The following TNIK variants were observed in gnomAD, a reference collection of about 807,000 sequenced individuals.
TNIK encodes the protein TRAF2 and NCK interacting kinase, also known as TRAF2 and NCK-interacting protein kinase.
A neutral mutation model predicts 191.3 loss-of-function variants in TNIK; 49 were observed. The observed-to-expected ratio is 0.26, with a 90% CI of 0.20 to 0.32. The LOEUF (loss-of-function observed/expected upper bound fraction) is 0.32, where lower values mean the gene tolerates loss of function less well. Ranked by LOEUF, TNIK falls within the 10% of genes least tolerant of loss-of-function variation. The probability of loss-of-function intolerance (pLI) is 1.00; values close to 1 mark genes in which losing one functional copy is unlikely to be tolerated. For synonymous variants in TNIK, 594 were observed against 600.9 expected, an observed-to-expected ratio of 0.99 and a Z score of 0.17; for missense variants, 1,155 against 1,702.3, an observed-to-expected ratio of 0.68 and a Z score of 5.66.
At chr3:171,437,580 A>G (rs969637651) in intron 1 of TNIK, among the ~76,000 whole-genome samples, 7 of 152,180 alleles carry the variant, frequency 4.6e-5, no homozygotes, top group African/African-American at 1.7e-4. Context: ...TAGCCTCTGA[A>G]GAACAGCTCA....
chr3:171,258,449 T>A (rs1235140208), intron 2 of TNIK, among the ~76,000 whole-genome samples: 1 of 152,138 alleles, frequency 6.6e-6, no homozygotes, highest in East Asian at 1.9e-4. Context: ...TGTTTCTTCT[T>A]CTAGCTGTTT....
At position 171,133,062 on chromosome 3, in the gene TNIK, CA is replaced by C. The variant is rs1729526787; in HGVS notation, c.1609-4185del. ...ATATCGTTGGGCAAAACCACATGGG[CA>C]GATGGTTACTGAGCAAGTTTGAGGA... On this transcript the variant is annotated intron_variant, in intron 15 of 32. Coordinates refer to ENST00000436636, the MANE Select transcript of TNIK (RefSeq NM_015028.4). Among the ~76,000 whole-genome samples the C allele has an allele frequency of 2.0e-5, 3 of 152,178 alleles. No homozygotes were observed. The South Asian group carries it at 6.2e-4, about 31-fold the overall frequency.
At chr3:171,291,907 A>G (rs1751721859) in intron 2 of TNIK, among the ~76,000 whole-genome samples, 1 of 152,158 alleles carries the variant, frequency 6.6e-6, no homozygotes, top group Non-Finnish European at 1.5e-5. Context: ...GATCCTGTTC[A>G]CTTTTTAAAA....
At chr3:171,084,726 T>C (rs1229577971) in intron 25 of TNIK, among the ~76,000 whole-genome samples, 1 of 152,212 alleles carries the variant, frequency 6.6e-6, no homozygotes, top group Non-Finnish European at 1.5e-5. Flanking sequence ...TAAATCAGCC[T>C]GATCTTTGTG....
chr3:171,311,799 A>G (rs539825662), intron 2 of TNIK, among the ~76,000 whole-genome samples: 9 of 152,298 alleles, frequency 5.9e-5, no homozygotes, highest in Admixed American at 5.2e-4. Context: ...GAATTTAGAG[A>G]ACAAAACCCA....
In TNIK at chr3:171,122,790, T is replaced by A. The variant is rs780246679; in HGVS notation, c.2120+806A>T. Among the ~76,000 whole-genome samples, 3 of 152,222 alleles carry A rather than the reference T, an allele frequency of 2.0e-5. No individual in the cohort carries two copies. In the East Asian group the frequency reaches 5.8e-4, roughly 29 times the overall value. On this transcript the variant is annotated intron_variant, in intron 18 of 32. Coordinates refer to ENST00000436636, the MANE Select transcript of TNIK (RefSeq NM_015028.4). The stretch of plus-strand genomic sequence containing the variant: ...TATAGCCTTAGCAGAGGCCATTTGC[T>A]ATTTCAGTTGATCCTAAAAAGTGAT...
chr3:171,064,749 T>G (rs983835932), intron 32 of TNIK, among the ~76,000 whole-genome samples: 1 of 152,204 alleles, frequency 6.6e-6, no homozygotes, highest in Non-Finnish European at 1.5e-5. Context: ...AAGTAATATT[T>G]TGGGCTATGG....
intron 18 of TNIK, among the ~76,000 whole-genome samples, chr3:171,113,974 CT>C (rs1726276888): frequency 1.4e-5 from 2 of 138,114 alleles, no homozygotes; most frequent in African/African-American, 5.6e-5. Context: ...TGGGAGGCAG[CT>C]GCTGAGGATT....
intron 2 of TNIK, among the ~76,000 whole-genome samples, chr3:171,281,598 G>C (rs1003114151): frequency 1.4e-4 from 21 of 152,148 alleles, no homozygotes; most frequent in Admixed American, 1.2e-3. Flanking sequence ...CTTCCACAAG[G>C]AATGGGCAGT....
chr3:171,173,858 G>C (rs1735640093), intron 9 of TNIK, among the ~76,000 whole-genome samples: 1 of 152,114 alleles, frequency 6.6e-6, no homozygotes, highest in South Asian at 2.1e-4. Flanking sequence ...TAGTGTCACT[G>C]TCACTTCCAG....
intron 7 of TNIK, 59 bp downstream of exon 7, chr3:171,188,633 ATGTAAGACTT>A: frequency 6.4e-7 from 1 of 1,574,420 alleles, no homozygotes; most frequent in Non-Finnish European, 8.6e-7. Context: ...ATATAAGGGC[ATGTAAGACTT>A]TATAAGACTC....
At chr3:171,125,664 A>G (rs1345908206) in intron 17 of TNIK, among the ~76,000 whole-genome samples, 2 of 152,214 alleles carry the variant, frequency 1.3e-5, no homozygotes, top group Non-Finnish European at 2.9e-5. Context: ...TGAGAGTTCT[A>G]ACTTTGGACG....
chr3:171,351,388 AAAG>A (rs1263541495), intron 2 of TNIK, among the ~76,000 whole-genome samples: 1 of 152,126 alleles, frequency 6.6e-6, no homozygotes, highest in African/African-American at 2.4e-5. Context: ...TCAACCATTG[AAAG>A]AAGGTCATCT....
At chr3:171,247,031 T>C (rs1560316725) in intron 2 of TNIK, among the ~76,000 whole-genome samples, 2 of 152,230 alleles carry the variant, frequency 1.3e-5, no homozygotes, top group Admixed American at 6.5e-5. Flanking sequence ...TGTATGGCTA[T>C]GACATCACAT....
chr3:171,364,399 T>C (rs756173356), intron 2 of TNIK, among the ~76,000 whole-genome samples: 1 of 152,028 alleles, frequency 6.6e-6, no homozygotes, highest in East Asian at 1.9e-4. Flanking sequence ...TTTTGTTTAT[T>C]GCTTTTGTGC....
At chr3:171,179,961 C>G (rs909116596) in intron 7 of TNIK, among the ~76,000 whole-genome samples, 2 of 152,112 alleles carry the variant, frequency 1.3e-5, no homozygotes, top group African/African-American at 4.8e-5. Flanking sequence ...TACCCAAATC[C>G]CTAGGAACTG....
chr3:171,065,062 A>C (rs1223020101), intron 32 of TNIK, among the ~76,000 whole-genome samples: 3 of 152,218 alleles, frequency 2.0e-5, no homozygotes, highest in African/African-American at 4.8e-5. Flanking sequence ...CTTGGGTTGC[A>C]GACAACTGGT....
At chr3:171,080,515 C>A (rs1300106267) in intron 27 of TNIK, among the ~76,000 whole-genome samples, 1 of 151,980 alleles carries the variant, frequency 6.6e-6, no homozygotes, top group Non-Finnish European at 1.5e-5. Context: ...CGGCTCACTG[C>A]AACCTCTGCT....
rs967234517 is a variant in TNIK at position 171,108,074 on chromosome 3, A to C, written c.2373T>G (p.Ser791Arg). 6.4e-7 allele frequency: 1 copy of C among 1,565,220 alleles called. No individual in the cohort carries two copies. Among genetic ancestry groups the C allele is most frequent in the Non-Finnish European group, 8.7e-7 (1 of 1,153,882 alleles). ...PEESRDITRP[S>R]RPASYKKAID... Reference sequence around the variant, plus strand: ...AGAGAAAAGCACTCACAGCTGGTCGACTGGGCCGGGTAATGTCCCTGGATT... The same window carrying C: ...AGAGAAAAGCACTCACAGCTGGTCGCCTGGGCCGGGTAATGTCCCTGGATT... Residue 791 changes from serine to arginine, a missense_variant, in exon 20 of 33, where the codon AGT becomes AGG. Ser to Arg is a moderately radical substitution (Grantham distance 110). Transcript: ENST00000436636.
Sources: allele counts gnomAD v4.1 joint callset (sites outside exome capture counted in the v4.1 genomes callset), GRCh38; gene constraint gnomAD v4.1.1; transcripts MANE v1.5; gene names NCBI Gene and HGNC (gene_info 2026-07-23, HGNC 2026-07-21).